TMEM233: variants seen among roughly 807,000 people sequenced by gnomAD.
The protein encoded by TMEM233 is dispanin subfamily B member 2.
In TMEM233, 6 loss-of-function variants were observed where a neutral mutation model predicts 11.2. The ratio of observed to expected loss-of-function variants is 0.54; its 90% CI spans 0.29 to 1.06. The LOEUF is 1.06. TMEM233 is among the 50% of genes least tolerant of loss of function. The pLI is 0.08. For synonymous variants in TMEM233, 59 were observed against 55.8 expected (o/e 1.06, Z -0.26); for missense variants, 127 against 144.7 (o/e 0.88, Z 0.63).
intron 1 of TMEM233, among the ~76,000 whole-genome samples, chr12:119,620,537 G>A (rs1954620365): frequency 6.6e-6 from 1 of 152,146 alleles, no homozygotes; most frequent in Non-Finnish European, 1.5e-5. Flanking sequence ...GGTGAGGCAT[G>A]ACCACTTAAA....
chr12:119,603,085 TC>T (rs1482873296), intron 1 of TMEM233, among the ~76,000 whole-genome samples: 2 of 151,348 alleles, frequency 1.3e-5, no homozygotes, highest in African/African-American at 4.9e-5. Context: ...TAAAACCCCG[TC>T]CCTACAAAAA....
intron 1 of TMEM233, among the ~76,000 whole-genome samples, chr12:119,620,384 C>A (rs573715943): frequency 6.6e-6 from 1 of 152,304 alleles, no homozygotes; most frequent in South Asian, 2.1e-4. Context: ...AATCCATATA[C>A]CCTTTGACAC....
intron 1 of TMEM233, among the ~76,000 whole-genome samples, chr12:119,610,272 G>T (rs144582491): frequency 0.015 from 2,238 of 152,300 alleles, 64 homozygotes; most frequent in African/African-American, 0.051. Context: ...TCTAGGAAGT[G>T]ACTTACTTGC....
chr12:119,653,368 G>C, the TMEM233 span, among the ~76,000 whole-genome samples: 1 of 133,754 alleles, frequency 7.5e-6, no homozygotes, highest in Non-Finnish European at 1.5e-5. Context: ...CTCCAGCCTG[G>C]GTGACAGAGC....
intron 1 of TMEM233, among the ~76,000 whole-genome samples, chr12:119,619,859 G>C (rs183077265): frequency 1.9e-4 from 29 of 152,172 alleles, no homozygotes; most frequent in Middle Eastern, 3.4e-3. Context: ...AAAATCACCT[G>C]TGTGTCTCCC....
At position 119,642,812 on chromosome 12, in the gene TMEM233, A is replaced by T. The variant is rs1373182213; in HGVS notation, c.*2107A>T. On this transcript the variant is annotated 3_prime_UTR_variant, in exon 3 of 3. Coordinates refer to ENST00000426426, the MANE Select transcript of TMEM233 (RefSeq NM_001136534.3). ...CTGAACCCTAGCAAAAAAAAAAAAAATTCTGATGAACATCAGATTCAACCT... is the reference window on the plus strand; with the variant it reads ...CTGAACCCTAGCAAAAAAAAAAAAATTTCTGATGAACATCAGATTCAACCT... The T allele has an allele frequency of 1.6e-5, 2 of 124,358 alleles. No homozygotes were observed. Among genetic ancestry groups the T allele is most frequent in the African/African-American group, 5.9e-5 (2 of 33,658 alleles). The allele number at this position is 124,358 out of a possible 1,614,324, so 7.7% of individuals were successfully genotyped here. A position where few individuals can be genotyped will look rare whatever the true frequency, so the allele number is the denominator to read the frequency against.
intron 1 of TMEM233, among the ~76,000 whole-genome samples, chr12:119,614,411 C>CGAGAGA (rs57846015): frequency 0.036 from 5,169 of 143,548 alleles, 256 homozygotes; most frequent in African/African-American, 0.12. Context: ...TCCATCTCAA[C>CGAGAGA]GAGAGAGAGA....
In TMEM233 at chr12:119,594,740, C is replaced by A. The variant is rs945768328; in HGVS notation, c.186+706C>A. Among the ~76,000 whole-genome samples the A allele has an allele frequency of 1.3e-5, 2 of 152,138 alleles. No individual in the cohort carries two copies. Among genetic ancestry groups the A allele is most frequent in the African/African-American group, 4.8e-5 (2 of 41,440 alleles). On this transcript the variant is annotated intron_variant, in intron 1 of 2. Coordinates refer to ENST00000426426, the MANE Select transcript of TMEM233 (RefSeq NM_001136534.3). This position sits in a 1 kb window ranked among gnomAD's most constrained non-coding sequence, Gnocchi z 5.6. ...TCCGGCGCCCCCTTTTTAACGCGCCCGAGGCTGGCTCACACCCACTACCTC... is the reference window on the plus strand; with the variant it reads ...TCCGGCGCCCCCTTTTTAACGCGCCAGAGGCTGGCTCACACCCACTACCTC...
chr12:119,632,644 G>A (rs1954907553), intron 2 of TMEM233, among the ~76,000 whole-genome samples: 1 of 152,174 alleles, frequency 6.6e-6, no homozygotes, highest in South Asian at 2.1e-4. Flanking sequence ...CAAAAGCACA[G>A]TTTAAAGGAA....
At chr12:119,635,265 C>T (rs11609806) in intron 2 of TMEM233, among the ~76,000 whole-genome samples, 16 of 152,252 alleles carry the variant, frequency 1.1e-4, no homozygotes, top group African/African-American at 1.9e-4. Flanking sequence ...GAGCCACCTA[C>T]GACAGATTCA....
At chr12:119,640,480 C>T (rs1014087240) in intron 2 of TMEM233, among the ~76,000 whole-genome samples, 2 of 152,030 alleles carry the variant, frequency 1.3e-5, no homozygotes, top group Admixed American at 6.6e-5. Context: ...TTTTTTTGCA[C>T]GTACCACATG....
rs1426428935 is a variant in TMEM233 at position 119,593,931 on chromosome 12, A to C, written c.83A>C (p.Glu28Ala). 9.7e-6 allele frequency: 15 copies of C among 1,551,632 alleles called. No individual in the cohort carries two copies. Among genetic ancestry groups the C allele is most frequent in the Non-Finnish European group, 1.3e-5 (15 of 1,147,000 alleles). The change falls in exon 1 of 3, where the codon GAG becomes GCG. Residue 28 changes from glutamate to alanine, a missense_variant. By Grantham distance (107) the Glu-to-Ala change is moderately radical. Coordinates refer to ENST00000426426, the MANE Select transcript of TMEM233 (RefSeq NM_001136534.3). The surrounding 1 kb of genome is among the most constrained non-coding windows in gnomAD (Gnocchi z 4.1). ...GCCAACACTGAAGATGACAAGACCG[A>C]GGAGGACGTGCCCATGCCCAAGAAC... ...PEANTEDDKT[E>A]EDVPMPKNYL...
chr12:119,622,130 G>C (rs563110498), intron 1 of TMEM233, among the ~76,000 whole-genome samples: 1 of 152,154 alleles, frequency 6.6e-6, no homozygotes, highest in Non-Finnish European at 1.5e-5. Context: ...TTTACCTCAG[G>C]GTGAAAATTG....
At chr12:119,625,065 G>A (rs749530279) in intron 1 of TMEM233, among the ~76,000 whole-genome samples, 2 of 152,018 alleles carry the variant, frequency 1.3e-5, no homozygotes, top group African/African-American at 2.4e-5. Flanking sequence ...TTTAGTTCTC[G>A]CTCTCTCATT....
At chr12:119,621,288 C>A (rs1031400599) in intron 1 of TMEM233, among the ~76,000 whole-genome samples, 1 of 152,244 alleles carries the variant, frequency 6.6e-6, no homozygotes, top group Non-Finnish European at 1.5e-5. Context: ...GATCCCCTGC[C>A]TTGGCCTCCC....
At chr12:119,648,522 A>C in the TMEM233 span, among the ~76,000 whole-genome samples, 36 of 152,374 alleles carry the variant, frequency 2.4e-4, no homozygotes, top group Admixed American at 7.8e-4. Context: ...TTTCAAGAAC[A>C]TGAGGGTCTC....
the TMEM233 span, among the ~76,000 whole-genome samples, chr12:119,653,719 G>C: frequency 1.3e-5 from 2 of 151,858 alleles, no homozygotes; most frequent in African/African-American, 2.4e-5. Flanking sequence ...GAAGAAAGGA[G>C]CAATGATCTT....
chr12:119,637,933 A>G (rs1955000118), intron 2 of TMEM233, among the ~76,000 whole-genome samples: 1 of 152,222 alleles, frequency 6.6e-6, no homozygotes, highest in Non-Finnish European at 1.5e-5. Context: ...GATGGGTAAT[A>G]TCAAGGTTGA....
downstream of TMEM233, among the ~76,000 whole-genome samples, chr12:119,645,837 G>A (rs565733707): frequency 3.3e-5 from 5 of 152,224 alleles, no homozygotes; most frequent in Admixed American, 6.5e-5. Context: ...GTGACCAAGT[G>A]TTTACTCCCC....
Sources: gnomAD v4.1 joint callset for allele counts (sites outside exome capture counted in the v4.1 genomes callset) on GRCh38, gnomAD v4.1.1 for gene constraint, Gnocchi (gnomAD v3.1) non-coding constraint, MANE v1.5 for transcripts, NCBI Gene and HGNC (gene_info 2026-07-23, HGNC 2026-07-21) for gene names.